Variants in LRRC9 observed in about 807,000 individuals in gnomAD.
LRRC9 encodes leucine rich repeat containing 9, also known as leucine-rich repeat-containing protein 9.
LRRC9 carries 122 observed loss-of-function variants against 63.2 expected under a neutral mutation model. That is an observed-to-expected ratio of 1.93 (90% CI 1.67 to 2.24). LRRC9 has a LOEUF of 2.24. Ranked by LOEUF, LRRC9 falls within the 30% of genes most tolerant of loss-of-function variation. The pLI is 0.00. For missense variants in LRRC9, 1,071 were observed against 627.7 expected, an observed-to-expected ratio of 1.71 and a Z score of -7.55; for synonymous variants, 366 against 213.1, an observed-to-expected ratio of 1.72 and a Z score of -6.25.
At chr14:60,057,112 T>C (rs909739203) in intron 30 of LRRC9, among the ~76,000 whole-genome samples, 3 of 152,148 alleles carry the variant, frequency 2.0e-5, no homozygotes, top group Admixed American at 2.0e-4. Context: ...TGAGGTTAAA[T>C]AGGTAATTTT....
chr14:59,995,215 T>G (rs1386179738), intron 17 of LRRC9, among the ~76,000 whole-genome samples: 2 of 152,144 alleles, frequency 1.3e-5, no homozygotes, highest in Non-Finnish European at 2.9e-5. Flanking sequence ...TGAAATGTAA[T>G]AAGCTGCATG....
chr14:60,023,401 T>A (rs1891268072), intron 27 of LRRC9, among the ~76,000 whole-genome samples: 1 of 151,860 alleles, frequency 6.6e-6, no homozygotes, highest in African/African-American at 2.4e-5. Flanking sequence ...AGTGATAGAA[T>A]CTAGATTGAA....
At chr14:59,999,147 C>T (rs1889111569) in exon 19 of LRRC9, 1 of 700,632 alleles carries the variant, frequency 1.4e-6, no homozygotes, top group African/African-American at 1.8e-5. Flanking sequence ...AAGACTCTTA[C>T]CCATTTAAAT....
intron 28 of LRRC9, among the ~76,000 whole-genome samples, chr14:60,030,693 C>A (rs1289735478): frequency 6.6e-6 from 1 of 151,986 alleles, no homozygotes; most frequent in Non-Finnish European, 1.5e-5. Flanking sequence ...GGAAAAAAAT[C>A]CCTAATTAGT....
intron 29 of LRRC9, among the ~76,000 whole-genome samples, chr14:60,045,173 C>T (rs916635597): frequency 2.0e-5 from 3 of 151,134 alleles, no homozygotes; most frequent in African/African-American, 7.3e-5. Flanking sequence ...TATCTTTTTC[C>T]ACCCCTTTCA....
At chr14:59,943,247 T>C (rs150664) in intron 7 of LRRC9, among the ~76,000 whole-genome samples, 64,751 of 151,968 alleles carry the variant, frequency 0.43, 14,502 homozygotes, top group East Asian at 0.64. Context: ...TGTCCTGAAG[T>C]ATTTTCTCTC....
chr14:60,040,788 T>C (rs895659752), intron 29 of LRRC9, among the ~76,000 whole-genome samples: 13 of 152,012 alleles, frequency 8.6e-5, no homozygotes, highest in Non-Finnish European at 1.3e-4. Flanking sequence ...GTGTGTGAAT[T>C]TGATCCTGTC....
At chr14:60,039,423 T>C (rs1468871358) in intron 29 of LRRC9, among the ~76,000 whole-genome samples, 1 of 152,232 alleles carries the variant, frequency 6.6e-6, no homozygotes, top group Non-Finnish European at 1.5e-5. Context: ...GGCTATTAAT[T>C]ATTGCCTCAA....
At position 60,036,498 on chromosome 14, in the gene LRRC9, C is replaced by A. The variant is rs577439518; in HGVS notation, c.3990+4435C>A. Among the ~76,000 whole-genome samples, 15 of 152,306 alleles carry A rather than the reference C, an allele frequency of 9.8e-5. No homozygotes were observed. In the South Asian group the frequency reaches 2.1e-3, roughly 21 times the overall value. Reference sequence around the variant, plus strand: ...TTCCTTCACATTGATGACTTTGACTCTTCTGAAGATTACGGACCAGTTAAT... The same window carrying A: ...TTCCTTCACATTGATGACTTTGACTATTCTGAAGATTACGGACCAGTTAAT... On this transcript the variant is annotated intron_variant, in intron 29 of 31. Coordinates refer to ENST00000445360, the Ensembl canonical transcript of LRRC9.
chr14:60,002,255 C>A (rs539357163), intron 20 of LRRC9, among the ~76,000 whole-genome samples, 155 bp downstream of exon 20: 3 of 152,282 alleles, frequency 2.0e-5, no homozygotes, highest in Admixed American at 2.0e-4. Flanking sequence ...TTAAGATCTA[C>A]CCTCTTGGCA....
intron 12 of LRRC9, 46 bp from the exon 13 acceptor site, chr14:59,974,530 A>G: frequency 1.8e-6 from 1 of 557,312 alleles, no homozygotes; most frequent in Non-Finnish European, 3.2e-6. Flanking sequence ...AAGTTGAAGT[A>G]TTGTCAATTT....
chr14:60,043,638 C>T lies in LRRC9; in HGVS notation c.3991-9427C>T, dbSNP rs536704197. ...CCATCCTTGCATCCCTGAGATGAATCCCACCTGATAATGGTGAATGATCTT... is the reference window on the plus strand; with the variant it reads ...CCATCCTTGCATCCCTGAGATGAATTCCACCTGATAATGGTGAATGATCTT... On this transcript the variant is annotated intron_variant, in intron 29 of 31. Coordinates refer to ENST00000445360, the Ensembl canonical transcript of LRRC9. Among the ~76,000 whole-genome samples the T allele has an allele frequency of 2.5e-3, 374 of 152,034 alleles. 2 individuals carry two copies. Among genetic ancestry groups the T allele is most frequent in the Non-Finnish European group, 4.0e-3 (270 of 68,002 alleles).
chr14:60,059,610 T>C (rs1415365586), intron 31 of LRRC9, among the ~76,000 whole-genome samples: 1 of 152,186 alleles, frequency 6.6e-6, no homozygotes, highest in Non-Finnish European at 1.5e-5. Flanking sequence ...GATAAAGTGG[T>C]CCGGATAGGA....
At chr14:59,991,222 T>C (rs893340167) in intron 17 of LRRC9, among the ~76,000 whole-genome samples, 8 of 152,258 alleles carry the variant, frequency 5.3e-5, no homozygotes, top group Admixed American at 3.9e-4. Context: ...ATCTTTACTG[T>C]CATTTTCCTT....
chr14:60,007,984 T>A, intron 22 of LRRC9, 108 bp from the exon 23 acceptor site: 14 of 400,640 alleles, frequency 3.5e-5, no homozygotes, highest in South Asian at 1.0e-4. Context: ...GGCACTGAAA[T>A]CCCATGGAAT....
intron 7 of LRRC9, among the ~76,000 whole-genome samples, chr14:59,941,249 GT>G (rs1340097048): frequency 1.3e-5 from 2 of 151,976 alleles, no homozygotes; most frequent in Non-Finnish European, 2.9e-5. Context: ...AAAATCAGTT[GT>G]TTTTTGTGGA....
intron 30 of LRRC9, among the ~76,000 whole-genome samples, chr14:60,057,376 T>C (rs954090699): frequency 3.9e-5 from 6 of 152,168 alleles, no homozygotes; most frequent in African/African-American, 1.4e-4. Context: ...AAATTGATTA[T>C]TATAAGATGC....
intron 13 of LRRC9, among the ~76,000 whole-genome samples, chr14:59,975,101 ACATATATATATG>A (rs1354079435): frequency 0.16 from 3,647 of 23,094 alleles, 631 homozygotes; most frequent in African/African-American, 0.18. Flanking sequence ...ATATATATAT[ACATATATATATG>A]TATATATATA....
rs1595138239 is a variant in LRRC9, at chr14:60,062,801, T to C, written c.4277-522T>C. Among the ~76,000 whole-genome samples, 4 of 152,296 alleles carry C rather than the reference T, an allele frequency of 2.6e-5. No homozygotes were observed. The South Asian group carries it at 8.3e-4, about 32-fold the overall frequency. On this transcript the variant is annotated intron_variant, in intron 31 of 31. Coordinates refer to ENST00000445360, the Ensembl canonical transcript of LRRC9. ...CCCTGCTCCTGCTCATCTGTTAAAA[T>C]GACCTACCTCAGCAGCAGATCTAGC...
Sources: gnomAD v4.1 joint callset for allele counts (sites outside exome capture counted in the v4.1 genomes callset) on GRCh38, gnomAD v4.1.1 for gene constraint, MANE v1.5 for transcripts, NCBI Gene and HGNC (gene_info 2026-07-23, HGNC 2026-07-21) for gene names.